ETFA: variants seen among roughly 807,000 people sequenced by gnomAD.
ETFA encodes the protein electron transfer flavoprotein subunit alpha, also known as electron transfer flavoprotein subunit alpha, mitochondrial.
In ETFA, 22 loss-of-function variants were observed where a neutral mutation model predicts 46.2. That is an observed-to-expected ratio of 0.48 (90% CI 0.34 to 0.68). The LOEUF is 0.68. ETFA is among the 30% of genes least tolerant of loss of function. ETFA has a pLI of 0.01. For synonymous variants in ETFA, 131 were observed against 139.9 expected (o/e 0.94, Z 0.45); for missense variants, 345 against 401.1 (o/e 0.86, Z 1.19).
intron 4 of ETFA, among the ~76,000 whole-genome samples, chr15:76,291,039 G>C (rs1433371320): frequency 6.6e-6 from 1 of 152,132 alleles, no homozygotes; most frequent in Admixed American, 6.5e-5. Context: ...AACATAGGGA[G>C]ACTACATCGA....
At chr15:76,231,197 A>C in intron 10 of ETFA, 136 bp downstream of exon 10, 4 of 714,464 alleles carry the variant, frequency 5.6e-6, no homozygotes, top group Non-Finnish European at 7.7e-6. Context: ...GGTAGCTTTT[A>C]TTTCTTTCAG....
chr15:76,293,009 C>G (rs2039782822), intron 2 of ETFA, among the ~76,000 whole-genome samples: 1 of 152,028 alleles, frequency 6.6e-6, no homozygotes, highest in South Asian at 2.1e-4. Flanking sequence ...TGGTGGCGGG[C>G]ACCTGTAATC....
intron 9 of ETFA, among the ~76,000 whole-genome samples, chr15:76,270,288 G>C (rs942283629): frequency 6.6e-6 from 1 of 152,054 alleles, no homozygotes; most frequent in South Asian, 2.1e-4. Flanking sequence ...GTACTGGCAG[G>C]GTCTAGGTTT....
At chr15:76,299,325 C>T (rs2039858456) in intron 1 of ETFA, among the ~76,000 whole-genome samples, 2 of 152,062 alleles carry the variant, frequency 1.3e-5, no homozygotes, top group South Asian at 2.1e-4. Flanking sequence ...CCTCTATTAC[C>T]CAGTCTTGAA....
intron 8 of ETFA, among the ~76,000 whole-genome samples, chr15:76,279,124 T>G (rs1223719551): frequency 1.3e-4 from 20 of 152,136 alleles, no homozygotes; most frequent in Admixed American, 1.3e-3. Context: ...CCTCAAAAAG[T>G]TATCTGTATT....
At chr15:76,239,537 C>T (rs571684840) in intron 9 of ETFA, among the ~76,000 whole-genome samples, 1 of 152,236 alleles carries the variant, frequency 6.6e-6, no homozygotes, top group Admixed American at 6.5e-5. Flanking sequence ...AACATCTCCC[C>T]ATTTCCCCCA....
intron 5 of ETFA, among the ~76,000 whole-genome samples, chr15:76,287,485 G>A (rs1262624271): frequency 6.6e-6 from 1 of 152,138 alleles, no homozygotes; most frequent in Non-Finnish European, 1.5e-5. Context: ...ATTTCTTAAT[G>A]CCTATGGAAA....
intron 9 of ETFA, among the ~76,000 whole-genome samples, chr15:76,271,973 C>T (rs537557713): frequency 1.4e-3 from 213 of 151,676 alleles, no homozygotes; most frequent in African/African-American, 4.8e-3. Context: ...CTCTCGGAGG[C>T]TGTATAGTTT....
At chr15:76,256,077 G>T (rs1191413156) in intron 9 of ETFA, among the ~76,000 whole-genome samples, 1 of 151,810 alleles carries the variant, frequency 6.6e-6, no homozygotes, top group Non-Finnish European at 1.5e-5. Context: ...GGCCAACATG[G>T]TGAAACCTTA....
chr15:76,227,502 T>G (rs1437884080), intron 10 of ETFA, among the ~76,000 whole-genome samples: 1 of 37,030 alleles, frequency 2.7e-5, no homozygotes, highest in Admixed American at 2.7e-4. Context: ...GGTGACAGAG[T>G]GAGACTCTGT....
intron 9 of ETFA, among the ~76,000 whole-genome samples, chr15:76,257,897 T>C (rs1407582042): frequency 6.6e-6 from 1 of 151,178 alleles, no homozygotes; most frequent in Non-Finnish European, 1.5e-5. Context: ...AAATCATCAT[T>C]CTCAGTAAAT....
chr15:76,257,716 C>T (rs1407919040), intron 9 of ETFA, among the ~76,000 whole-genome samples: 3 of 151,908 alleles, frequency 2.0e-5, no homozygotes, highest in Non-Finnish European at 4.4e-5. Flanking sequence ...GACACATGCA[C>T]ACGTATGTTT....
At chr15:76,269,633 G>A (rs927839683) in intron 9 of ETFA, among the ~76,000 whole-genome samples, 3 of 151,918 alleles carry the variant, frequency 2.0e-5, no homozygotes, top group African/African-American at 4.8e-5. Context: ...TGACTCCTCC[G>A]GATTTTGTAG....
At chr15:76,279,129 T>C (rs1337327518) in intron 8 of ETFA, among the ~76,000 whole-genome samples, 1 of 152,176 alleles carries the variant, frequency 6.6e-6, no homozygotes, top group Non-Finnish European at 1.5e-5. Flanking sequence ...AAAAGTTATC[T>C]GTATTCACTG....
intron 9 of ETFA, among the ~76,000 whole-genome samples, chr15:76,242,225 G>T (rs535541962): frequency 7.2e-5 from 11 of 152,306 alleles, no homozygotes; most frequent in African/African-American, 2.4e-4. Context: ...TTTTGGAGTT[G>T]TAAGGAACCT....
At chr15:76,302,520 G>T (rs1434116914) in intron 1 of ETFA, among the ~76,000 whole-genome samples, 1 of 145,346 alleles carries the variant, frequency 6.9e-6, no homozygotes, top group East Asian at 2.0e-4. Context: ...GAGGTTTTTT[G>T]TTGTTGTTGT....
intron 1 of ETFA, among the ~76,000 whole-genome samples, chr15:76,302,383 G>GA (rs36097351): frequency 0.85 from 126,872 of 149,530 alleles, 54,699 homozygotes; most frequent in East Asian, 0.95. Context: ...ATTACTTAGT[G>GA]AAAAAAAAAA....
At chr15:76,290,338 T>TTTTTTC (rs1443198016) in intron 4 of ETFA, among the ~76,000 whole-genome samples, 3 of 140,272 alleles carry the variant, frequency 2.1e-5, no homozygotes, top group Non-Finnish European at 4.7e-5. Flanking sequence ...CTACTCTTTT[T>TTTTTTC]TTTTTTTTTT....
chr15:76,294,482 G>C (rs1434131802), intron 2 of ETFA, among the ~76,000 whole-genome samples: 1 of 152,162 alleles, frequency 6.6e-6, no homozygotes, highest in East Asian at 1.9e-4. Context: ...TCAATTTCAT[G>C]TAAAAAATTA....
Sources: gnomAD v4.1 joint callset for allele counts (sites outside exome capture counted in the v4.1 genomes callset) on GRCh38, gnomAD v4.1.1 for gene constraint, MANE v1.5 for transcripts, NCBI Gene and HGNC (gene_info 2026-07-23, HGNC 2026-07-21) for gene names.